Variants in UCMA observed in about 807,000 individuals in gnomAD.
The protein encoded by UCMA is upper zone of growth plate and cartilage matrix associated, also known as upper zone of growth plate and cartilage matrix-associated protein.
A neutral mutation model predicts 21.8 loss-of-function variants in UCMA; 21 were observed. That is an observed-to-expected ratio of 0.97 (90% CI 0.68 to 1.39). The LOEUF (loss-of-function observed/expected upper bound fraction) is 1.39. Among genes scored for constraint, UCMA ranks in the 40% most tolerant of loss-of-function variants. The pLI, the probability that UCMA is intolerant of heterozygous loss-of-function variation, is 0.00. For synonymous variants in UCMA, 76 were observed against 67.9 expected (o/e 1.12, Z -0.58); for missense variants, 193 against 178.9 (o/e 1.08, Z -0.45).
At chr10:13,224,270 T>C (rs1834795983) in intron 4 of UCMA, among the ~76,000 whole-genome samples, 1 of 149,956 alleles carries the variant, frequency 6.7e-6, no homozygotes, top group Admixed American at 6.7e-5. Context: ...GAGGCTGCAG[T>C]GAGCTATGAT....
chr10:13,230,917 C>T (rs542637538), intron 3 of UCMA, among the ~76,000 whole-genome samples: 13 of 152,166 alleles, frequency 8.5e-5, no homozygotes, highest in South Asian at 2.1e-4. Context: ...ATTAGCCAGG[C>T]GTGGTGGCAG....
chr10:13,233,430 C>A (rs1278001635), intron 3 of UCMA, 108 bp downstream of exon 3: 1 of 856,976 alleles, frequency 1.2e-6, no homozygotes, highest in South Asian at 1.5e-5. Flanking sequence ...GTGAGCCCTT[C>A]GTGCCCAGCT....
chr10:13,232,776 T>C (rs1834915585), intron 3 of UCMA, among the ~76,000 whole-genome samples: 1 of 152,082 alleles, frequency 6.6e-6, no homozygotes, highest in African/African-American at 2.4e-5. Flanking sequence ...CGGGAGATAC[T>C]GTCTGAGCTC....
intron 4 of UCMA, among the ~76,000 whole-genome samples, chr10:13,222,851 T>G (rs1834775784): frequency 6.6e-6 from 1 of 151,896 alleles, no homozygotes; most frequent in Admixed American, 6.6e-5. Context: ...AATTTTTTTA[T>G]GGAGGTGGAA....
chr10:13,231,287 G>T (rs1220755762), intron 3 of UCMA, among the ~76,000 whole-genome samples: 1 of 152,066 alleles, frequency 6.6e-6, no homozygotes, highest in African/African-American at 2.4e-5. Flanking sequence ...TGGCAGAAGG[G>T]GTTGGTTATC....
chr10:13,233,836 C>T (rs758939169), intron 1 of UCMA, 36 bp from the exon 2 acceptor site: 7 of 1,612,012 alleles, frequency 4.3e-6, no homozygotes, highest in Non-Finnish European at 5.9e-6. Flanking sequence ...GCTGCAGCAT[C>T]AGAGGGGAGC....
In UCMA at chr10:13,233,792, C is replaced by G. The variant is rs759359783; in HGVS notation, c.67G>C (p.Glu23Gln). The change falls in exon 2 of 5, where the codon GAG becomes CAG. Residue 23 changes from glutamate (E) to glutamine (Q), a missense_variant. Coordinates refer to ENST00000378681, the MANE Select transcript of UCMA (RefSeq NM_145314.3). ...GTGCCCACAGATACACTGGTTCCCT[C>G]TCTCAGCACTGCAGGACAAGGGCAC... ...SAVVLLSMLR[E>Q]GTSVSVGTMQ... 2 of 1,613,848 alleles carry G rather than the reference C, an allele frequency of 1.2e-6. No homozygotes were observed. The highest frequency in any genetic ancestry group is 4.5e-5 in the East Asian group (2 of 44,814).
intron 4 of UCMA, among the ~76,000 whole-genome samples, chr10:13,227,282 G>A (rs1030971912): frequency 3.3e-5 from 5 of 152,176 alleles, no homozygotes; most frequent in East Asian, 1.9e-4. Context: ...CAGAGCAAAC[G>A]GCCAGGAGAA....
chr10:13,229,520 A>C, intron 4 of UCMA, 91 bp downstream of exon 4: 2 of 1,253,852 alleles, frequency 1.6e-6, no homozygotes, highest in Non-Finnish European at 2.3e-6. Context: ...AAAGAAAAAA[A>C]AAAAAAGTTG....
In UCMA at chr10:13,233,842, G is replaced by A. The variant is rs200707193; in HGVS notation, c.59-42C>T. The A allele has an allele frequency of 1.2e-5, 19 of 1,611,288 alleles. No homozygotes were observed. The East Asian group carries it at 3.3e-4, about 28-fold the overall frequency. On this transcript the variant is annotated intron_variant, in intron 1 of 4. Coordinates refer to ENST00000378681, the MANE Select transcript of UCMA (RefSeq NM_145314.3). ...CAGAGTGAGGCTGCAGCATCAGAGGGGAGCCCAGACCCTGAGCTGAGTCCC... is the reference window on the plus strand; with the variant it reads ...CAGAGTGAGGCTGCAGCATCAGAGGAGAGCCCAGACCCTGAGCTGAGTCCC...
intron 4 of UCMA, among the ~76,000 whole-genome samples, chr10:13,227,232 C>T (rs551364898): frequency 1.3e-5 from 2 of 152,308 alleles, no homozygotes; most frequent in African/African-American, 4.8e-5. Context: ...TTCCTTTTCA[C>T]TAGGAGATGC....
Position 13,233,787 on chromosome 10 carries a change from T to C in UCMA, c.72A>G (p.Gly24=). Residue 24 remains glycine, a synonymous_variant, in exon 2 of 5, where the codon GGA becomes GGG. Coordinates refer to ENST00000378681, the MANE Select transcript of UCMA (RefSeq NM_145314.3). ...GCATGGTGCCCACAGATACACTGGT[T>C]CCCTCTCTCAGCACTGCAGGACAAG... The part of the protein sequence containing the change: ...AVVLLSMLRE[G]TSVSVGTMQM... The C allele has an allele frequency of 6.2e-7, 1 of 1,613,768 alleles. No individual in the cohort carries two copies. The highest frequency in any genetic ancestry group is 8.5e-7 in the Non-Finnish European group (1 of 1,179,964).
intron 3 of UCMA, among the ~76,000 whole-genome samples, chr10:13,231,686 C>T (rs1214354959): frequency 2.0e-5 from 3 of 152,230 alleles, no homozygotes; most frequent in African/African-American, 7.2e-5. Context: ...ATTTAATCCT[C>T]AGGACAAGAT....
chr10:13,232,180 C>G (rs1834907377), intron 3 of UCMA, among the ~76,000 whole-genome samples: 1 of 152,002 alleles, frequency 6.6e-6, no homozygotes, highest in Admixed American at 6.6e-5. Context: ...TCGAAACCAG[C>G]CTGGCCATCA....
intron 3 of UCMA, among the ~76,000 whole-genome samples, chr10:13,232,915 C>T (rs1412492069): frequency 6.6e-6 from 1 of 150,480 alleles, no homozygotes; most frequent in African/African-American, 2.4e-5. Flanking sequence ...CAGACAGGCT[C>T]ACCCCAATGT....
At chr10:13,234,102 C>T in intron 1 of UCMA, 99 bp downstream of exon 1, 4 of 1,168,736 alleles carry the variant, frequency 3.4e-6, no homozygotes, top group Non-Finnish European at 4.8e-6. Context: ...AATAAGCATA[C>T]TCCTTTCTAC....
chr10:13,231,197 C>A (rs959210028), intron 3 of UCMA, among the ~76,000 whole-genome samples: 1 of 152,120 alleles, frequency 6.6e-6, no homozygotes, highest in Non-Finnish European at 1.5e-5. Context: ...GTGAACTGGG[C>A]TTAGTGCAGA....
chr10:13,229,708 C>T lies in UCMA; in HGVS notation c.222G>A (p.Val74=). 6.2e-7 allele frequency: 1 copy of T among 1,613,858 alleles called. No homozygotes were observed. The highest frequency in any genetic ancestry group is 8.5e-7 in the Non-Finnish European group (1 of 1,179,944). Residue 74 remains valine, a splice_region_variant and synonymous_variant, in exon 4 of 5, where the codon GTG becomes GTA. Coordinates refer to ENST00000378681, the MANE Select transcript of UCMA (RefSeq NM_145314.3). ...CAACCCGAAGCTTCTGCCTGTTTTC[C>T]ACTGTGAAAGGAAAAGAAGCAAGAG... is the stretch of plus-strand genomic sequence containing the variant. ...RSPKSRDEVN[V]ENRQKLRVDE... is the part of the protein sequence containing the mutation.
In UCMA at chr10:13,234,251, C is replaced by CA. The variant is rs1316050237; in HGVS notation, c.7dup (p.Trp3LeufsTer39). On this transcript the variant is annotated frameshift_variant, in exon 1 of 5. Coordinates refer to ENST00000378681, the MANE Select transcript of UCMA (RefSeq NM_145314.3). LOFTEE classifies it high-confidence loss of function. ...GCAAGACAGCAGGACGGCCTGTCTCCAAGTCATCTTTGCAGAGGTAGGGGC... is the reference window on the plus strand; with the variant it reads ...GCAAGACAGCAGGACGGCCTGTCTCCAAAGTCATCTTTGCAGAGGTAGGGGC... 3 of 1,613,674 alleles carry CA rather than the reference C, an allele frequency of 1.9e-6. No individual in the cohort carries two copies. In the African/African-American group the frequency reaches 4.0e-5, roughly 22 times the overall value.
Sources: allele counts gnomAD v4.1 joint callset (sites outside exome capture counted in the v4.1 genomes callset), GRCh38; gene constraint gnomAD v4.1.1; transcripts MANE v1.5; gene names NCBI Gene and HGNC (gene_info 2026-07-23, HGNC 2026-07-21).